Variants in RPL15 observed in about 807,000 individuals in gnomAD.
RPL15 encodes the protein ribosomal protein L15.
For synonymous variants in RPL15, 97 were observed against 95.1 expected (o/e 1.02, Z -0.12); for missense variants, 161 against 271.8 (o/e 0.59, Z 2.87).
At chr3:23,919,123 A>G in intron 3 of RPL15, 73 bp from the exon 4 acceptor site, 1 of 1,018,784 alleles carries the variant, frequency 9.8e-7, no homozygotes. Flanking sequence ...TAGAGTTGAG[A>G]ATTAAAATTC....
At chr3:23,916,965 T>G (rs912547070), upstream of RPL15, 2 of 152,638 alleles carry the variant, frequency 1.3e-5, no homozygotes, top group Non-Finnish European at 1.5e-5. Context: ...CAGGCTCGAA[T>G]CTTGCGGAGC....
chr3:23,921,794 C>CG, downstream of RPL15: 1 of 573,268 alleles, frequency 1.7e-6, no homozygotes, highest in Non-Finnish European at 3.1e-6. Flanking sequence ...AGGCTGGTCT[C>CG]GAACTCCTGA....
In RPL15 at chr3:23,917,157, C is replaced by G. The variant is rs34200392; in HGVS notation, c.-27C>G. On this transcript the variant is annotated 5_prime_UTR_variant, in exon 1 of 4. Transcript: ENST00000307839. ...GGGAGTACAGCTCTTTCCTTTCCGT[C>G]TGGCGGCAGCCATCAGGTAGGCTGC... 1 of 153,032 alleles carries G rather than the reference C, an allele frequency of 6.5e-6. No homozygotes were observed. Among genetic ancestry groups the G allele is most frequent in the African/African-American group, 2.4e-5 (1 of 41,496 alleles). 9.5% of individuals were successfully genotyped at this position (153,032 alleles called of 1,614,324 possible). A position where few individuals can be genotyped will look rare whatever the true frequency, so the allele number is the denominator to read the frequency against.
At chr3:23,917,260 C>G (rs1704646931) in intron 1 of RPL15, 87 bp downstream of exon 1, 1 of 152,528 alleles carries the variant, frequency 6.6e-6, no homozygotes, top group South Asian at 2.1e-4. Context: ...CCTGCGTCCT[C>G]GGAGATAGGT....
At chr3:23,921,662 T>C, downstream of RPL15, 1 of 678,214 alleles carries the variant, frequency 1.5e-6, no homozygotes, top group East Asian at 2.7e-5. Context: ...GCAACCTCTG[T>C]CTCCCGGGTT....
chr3:23,917,289 G>C (rs1374313257), intron 1 of RPL15, 116 bp downstream of exon 1: 2 of 152,546 alleles, frequency 1.3e-5, no homozygotes, highest in African/African-American at 4.8e-5. Context: ...TGTGCGGCCA[G>C]AGTTTGGTCA....
chr3:23,918,799 C>G, intron 3 of RPL15: 1 of 591,542 alleles, frequency 1.7e-6, no homozygotes, highest in Non-Finnish European at 2.9e-6. Context: ...AGCTTTAAAG[C>G]GGCAAGAATA....
chr3:23,917,727 G>C, intron 1 of RPL15, 123 bp from the exon 2 acceptor site: 1 of 977,680 alleles, frequency 1.0e-6, no homozygotes, highest in Non-Finnish European at 1.5e-6. Context: ...CCCGGCAGTT[G>C]GTGCAGAGCC....
rs779286291 is a variant in RPL15 at position 23,920,262 on chromosome 3, A to G, written c.*761A>G. 278 of 985,534 alleles carry G rather than the reference A, an allele frequency of 2.8e-4. No individual in the cohort carries two copies. Among genetic ancestry groups the G allele is most frequent in the Middle Eastern group, 5.2e-4 (1 of 1,936 alleles). The allele number at this position is 985,534 out of a possible 1,614,324, so 61.0% of individuals were successfully genotyped here. A position where few individuals can be genotyped will look rare whatever the true frequency, so the allele number is the denominator to read the frequency against. On this transcript the variant is annotated 3_prime_UTR_variant, in exon 4 of 4. Transcript: ENST00000307839. ...GATCATTATGAATCCCTTCAGTCAC[A>G]TTAGGGGGAAAGTAGTTGGCTATAA... is the stretch of plus-strand genomic sequence containing the variant.
chr3:23,917,595 G>A, intron 1 of RPL15: 2 of 376,392 alleles, frequency 5.3e-6, no homozygotes, highest in Admixed American at 4.7e-5. Context: ...CCCCCTTGGT[G>A]CTCAGTTCTG....
intron 2 of RPL15, 28 bp from the exon 3 acceptor site, chr3:23,918,412 C>G: frequency 6.2e-7 from 1 of 1,606,220 alleles, no homozygotes; most frequent in Non-Finnish European, 8.5e-7. Flanking sequence ...CCTATAAAAT[C>G]ACTAATTTCG....
At chr3:23,916,999 C>G (rs1371502152), upstream of RPL15, 1 of 152,608 alleles carries the variant, frequency 6.6e-6, no homozygotes, top group African/African-American at 2.4e-5. Flanking sequence ...ATAGCGGCCG[C>G]GGCGCCCCAC....
In RPL15 at chr3:23,920,445, C is replaced by A. The variant is rs994791067; in HGVS notation, c.*944C>A. On this transcript the variant is annotated 3_prime_UTR_variant, in exon 4 of 4. Transcript: ENST00000307839. ...TTCTGGCCAAACAACCCTAAAAATC[C>A]TTACCATTCCACAAAGTTGGACCAT... is the stretch of plus-strand genomic sequence containing the variant. The A allele has an allele frequency of 3.0e-6, 3 of 985,276 alleles. No homozygotes were observed. In the African/African-American group the frequency reaches 5.2e-5, roughly 17 times the overall value. The allele number at this position is 985,276 out of a possible 1,614,324, so 61.0% of individuals were successfully genotyped here. A position where few individuals can be genotyped will look rare whatever the true frequency, so the allele number is the denominator to read the frequency against.
intron 2 of RPL15, 185 bp from the exon 3 acceptor site, chr3:23,918,255 T>A: frequency 1.1e-6 from 1 of 882,508 alleles, no homozygotes; most frequent in Non-Finnish European, 1.7e-6. Flanking sequence ...AAATAAACAG[T>A]GTGCCTCCCT....
chr3:23,920,179 C>A lies in RPL15; in HGVS notation c.*678C>A, dbSNP rs1227003130. The stretch of plus-strand genomic sequence containing the variant: ...TGAGCCAGTGGCCATTAGATAAATA[C>A]CTTTCAAGTGTGAGCTTAGACGTCA... On this transcript the variant is annotated 3_prime_UTR_variant, in exon 4 of 4. Transcript: ENST00000307839. 28 of 985,510 alleles carry A rather than the reference C, an allele frequency of 2.8e-5. No homozygotes were observed. The highest frequency in any genetic ancestry group is 3.3e-5 in the Non-Finnish European group (27 of 829,912). The allele number at this position is 985,510 out of a possible 1,614,324, so 61.0% of individuals were successfully genotyped here.
chr3:23,920,422 C>A lies in RPL15; in HGVS notation c.*921C>A. On this transcript the variant is annotated 3_prime_UTR_variant, in exon 4 of 4. Coordinates refer to ENST00000307839, the MANE Select transcript of RPL15 (RefSeq NM_002948.5). ...GTTTTCTGCAGTTATTTCTCTTGTT[C>A]TGGCCAAACAACCCTAAAAATCCTT... 1.0e-6 allele frequency: 1 copy of A among 985,400 alleles called. No homozygotes were observed. The highest frequency in any genetic ancestry group is 1.2e-6 in the Non-Finnish European group (1 of 829,920). The allele number at this position is 985,400 out of a possible 1,614,324, so 61.0% of individuals were successfully genotyped here.
In RPL15 at chr3:23,918,491, T is replaced by C; in HGVS notation, c.224T>C (p.Val75Ala). The change falls in exon 3 of 4, where the codon GTT (valine) becomes GCT (alanine). Residue 75 changes from valine (V) to alanine (A), a missense_variant. Physicochemically the swap from Val to Ala is moderately conservative, Grantham distance 64. Coordinates refer to ENST00000307839, the MANE Select transcript of RPL15 (RefSeq NM_002948.5). ...RVRRGGRKRP[V>A]PKGATYGKPV... is the part of the protein sequence containing the mutation. ...CGCCGTGGTGGCCGAAAACGCCCAG[T>C]TCCTAAGGGTGCAACTTACGGCAAG... The C allele has an allele frequency of 6.2e-7, 1 of 1,613,778 alleles. No homozygotes were observed. Among genetic ancestry groups the C allele is most frequent in the Non-Finnish European group, 8.5e-7 (1 of 1,179,862 alleles).
chr3:23,919,031 A>ATC, intron 3 of RPL15, 165 bp from the exon 4 acceptor site: 1 of 615,706 alleles, frequency 1.6e-6, no homozygotes, highest in Non-Finnish European at 2.9e-6. Context: ...AGTCTACATT[A>ATC]TCTCATTACA....
At chr3:23,923,161 A>AT (rs887077752), downstream of RPL15, 6 of 148,704 alleles carry the variant, frequency 4.0e-5, no homozygotes, top group Non-Finnish European at 8.9e-5. Flanking sequence ...CACATTGTTG[A>AT]TTTTTTTGTT....
Sources: gnomAD v4.1 joint callset for allele counts on GRCh38, gnomAD v4.1.1 for gene constraint, MANE v1.5 for transcripts, NCBI Gene and HGNC (gene_info 2026-07-23, HGNC 2026-07-21) for gene names.